TAF3: variants seen among roughly 807,000 people sequenced by gnomAD.
The protein encoded by TAF3 is TATA-box binding protein associated factor 3, also known as transcription initiation factor TFIID subunit 3.
A neutral mutation model predicts 80.6 loss-of-function variants in TAF3; 7 were observed. That is an observed-to-expected ratio of 0.09 (90% CI 0.05 to 0.16). TAF3 has a LOEUF of 0.16. Among genes scored for constraint, TAF3 ranks in the 10% least tolerant of loss-of-function variants. TAF3 has a pLI of 1.00. For missense variants in TAF3, 921 were observed against 1,140.2 expected, an observed-to-expected ratio of 0.81 and a Z score of 2.77; for synonymous variants, 444 against 446.1, an observed-to-expected ratio of 1.00 and a Z score of 0.06.
chr10:7,931,086 G>T (rs911750740), intron 2 of TAF3, among the ~76,000 whole-genome samples: 4 of 152,120 alleles, frequency 2.6e-5, no homozygotes, highest in African/African-American at 9.7e-5. Flanking sequence ...TAGTAACATT[G>T]CCTGGTGTTT....
At chr10:7,989,635 G>A (rs1249445770) in intron 4 of TAF3, among the ~76,000 whole-genome samples, 2 of 152,162 alleles carry the variant, frequency 1.3e-5, no homozygotes, top group East Asian at 3.8e-4. Flanking sequence ...CAAAATTTGT[G>A]TTACCTTACT....
chr10:7,850,648 C>T (rs1837017731), intron 2 of TAF3, among the ~76,000 whole-genome samples: 1 of 151,196 alleles, frequency 6.6e-6, no homozygotes, highest in African/African-American at 2.4e-5. Flanking sequence ...TGCACTCCAG[C>T]CTAGCAAGAG....
At chr10:7,909,184 A>G (rs1342804330) in intron 2 of TAF3, among the ~76,000 whole-genome samples, 2 of 152,236 alleles carry the variant, frequency 1.3e-5, no homozygotes, top group African/African-American at 2.4e-5. Flanking sequence ...GGAGCTTGTC[A>G]TAAATGCAGG....
intron 2 of TAF3, chr10:7,833,779 G>A: frequency 3.2e-6 from 1 of 312,950 alleles, no homozygotes; most frequent in South Asian, 7.8e-5. Flanking sequence ...TTCTGGATGG[G>A]CATGACTGGT....
chr10:7,947,812 T>A (rs1838040321), intron 2 of TAF3, among the ~76,000 whole-genome samples: 1 of 152,056 alleles, frequency 6.6e-6, no homozygotes, highest in African/African-American at 2.4e-5. Context: ...AGCAGGGAAA[T>A]GATCTGATTT....
intron 3 of TAF3, among the ~76,000 whole-genome samples, chr10:7,974,376 G>C (rs147882904): frequency 6.6e-6 from 1 of 152,188 alleles, no homozygotes; most frequent in Non-Finnish European, 1.5e-5. Context: ...AGTGTGATGA[G>C]ATGAAATACT....
intron 1 of TAF3, among the ~76,000 whole-genome samples, chr10:7,820,476 T>C (rs2131094851): frequency 6.6e-6 from 1 of 152,376 alleles, no homozygotes; most frequent in Middle Eastern, 3.4e-3. Flanking sequence ...TTTTGAATGC[T>C]TGATTTCACT....
chr10:7,965,556 G>A lies in TAF3; in HGVS notation c.2046G>A (p.Leu682=). The change falls in exon 3 of 7, where the codon TTG becomes TTA. Residue 682 remains leucine, a synonymous_variant. Transcript: ENST00000344293. ...SRVPAMLPSL[L]PVLPEKLFEE... is the part of the protein sequence containing the mutation. ...TCCCAGCCATGCTGCCATCTTTGTT[G>A]CCAGTGCTTCCGGAAAAACTGTTTG... 1 of 1,600,724 alleles carries A rather than the reference G, an allele frequency of 6.2e-7. No individual in the cohort carries two copies. Among genetic ancestry groups the A allele is most frequent in the Non-Finnish European group, 8.5e-7 (1 of 1,176,898 alleles).
At chr10:7,962,138 A>G (rs996580459) in intron 2 of TAF3, among the ~76,000 whole-genome samples, 1 of 152,172 alleles carries the variant, frequency 6.6e-6, no homozygotes, top group Non-Finnish European at 1.5e-5. Flanking sequence ...GGCATGAGCC[A>G]CCATGCCTGA....
intron 2 of TAF3, among the ~76,000 whole-genome samples, chr10:7,910,345 C>CT (rs1321145758): frequency 6.6e-6 from 1 of 152,034 alleles, no homozygotes; most frequent in Non-Finnish European, 1.5e-5. Flanking sequence ...AATATCAGGA[C>CT]TTTTGAAATT....
intron 2 of TAF3, among the ~76,000 whole-genome samples, chr10:7,947,053 C>T (rs972422962): frequency 4.3e-4 from 66 of 152,206 alleles, no homozygotes; most frequent in African/African-American, 1.5e-3. Flanking sequence ...TGAGCCACCT[C>T]GCCTGGCCAC....
Position 8,009,184 on chromosome 10 carries a change from G to A in TAF3, c.2422G>A (p.Val808Ile), listed in dbSNP as rs771624699. ...APAPAPGPML[V>I]SPAPVPLPLL... ...CGCGCCCGCCCCCGGCCCCATGCTC[G>A]TCAGCCCTGCGCCCGTGCCGCTGCC... The change falls in exon 5 of 7, where the codon GTC becomes ATC. Residue 808 changes from valine to isoleucine, a missense_variant. By Grantham distance (29) the Val-to-Ile change is conservative (BLOSUM62 3). Coordinates refer to ENST00000344293, the MANE Select transcript of TAF3 (RefSeq NM_031923.4). This position sits in a 1 kb window ranked among gnomAD's most constrained non-coding sequence, Gnocchi z 4.1. The A allele has an allele frequency of 2.0e-6, 3 of 1,509,568 alleles. No homozygotes were observed. The highest frequency in any genetic ancestry group is 2.0e-5 in the Admixed American group (1 of 49,546). 93.5% of individuals were successfully genotyped at this position (1,509,568 alleles called of 1,614,324 possible).
At chr10:8,007,468 G>A (rs1423307469) in intron 4 of TAF3, among the ~76,000 whole-genome samples, 1 of 150,044 alleles carries the variant, frequency 6.7e-6, no homozygotes, top group Admixed American at 6.6e-5. Flanking sequence ...GGCAGGGAAG[G>A]AAGTTCATCT....
chr10:7,852,216 C>T (rs1015853121), intron 2 of TAF3, among the ~76,000 whole-genome samples: 5 of 152,284 alleles, frequency 3.3e-5, no homozygotes, highest in Admixed American at 3.3e-4. Context: ...TTCAAAAGTG[C>T]TGGGATTACA....
chr10:7,828,471 A>AT (rs1004132583), intron 2 of TAF3, among the ~76,000 whole-genome samples: 6 of 151,804 alleles, frequency 4.0e-5, no homozygotes, highest in Non-Finnish European at 8.8e-5. Flanking sequence ...ATACATGCAT[A>AT]TTTTTGCTTG....
At chr10:7,916,107 A>G (rs1248190774) in intron 2 of TAF3, among the ~76,000 whole-genome samples, 4 of 152,186 alleles carry the variant, frequency 2.6e-5, no homozygotes, top group African/African-American at 9.7e-5. Context: ...TCCACCTCTT[A>G]ACCCAAAGTG....
chr10:7,870,465 T>A (rs577580166), intron 2 of TAF3, among the ~76,000 whole-genome samples: 1 of 152,352 alleles, frequency 6.6e-6, no homozygotes, highest in African/African-American at 2.4e-5. Flanking sequence ...TACGTGAGTG[T>A]TGCCTGATGG....
intron 3 of TAF3, 96 bp downstream of exon 3, chr10:7,965,838 AAT>A: frequency 7.3e-7 from 1 of 1,372,416 alleles, no homozygotes. Context: ...TCTGGGTGTA[AAT>A]CACCCATCAC....
At chr10:7,929,335 ATGAT>A (rs933437582) in intron 2 of TAF3, among the ~76,000 whole-genome samples, 17 of 152,068 alleles carry the variant, frequency 1.1e-4, no homozygotes, top group South Asian at 4.1e-4. Flanking sequence ...CAGTTAAGGA[ATGAT>A]TGTGTGAAGT....
Sources: allele counts gnomAD v4.1 joint callset (sites outside exome capture counted in the v4.1 genomes callset), GRCh38; gene constraint gnomAD v4.1.1; non-coding constraint Gnocchi (gnomAD v3.1); transcripts MANE v1.5; gene names NCBI Gene and HGNC (gene_info 2026-07-23, HGNC 2026-07-21).